The following EXD2 variants were observed in gnomAD, a reference collection of about 807,000 sequenced individuals.
The protein encoded by EXD2 is exonuclease 3'-5' domain containing 2.
In EXD2, 40 loss-of-function variants were observed where a neutral mutation model predicts 62.5. The ratio of observed to expected loss-of-function variants is 0.64; its 90% CI spans 0.50 to 0.83. The LOEUF (loss-of-function observed/expected upper bound fraction) is 0.83. Among genes scored for constraint, EXD2 ranks in the 40% least tolerant of loss-of-function variants. EXD2 has a pLI of 0.00. For missense variants in EXD2, 671 were observed against 761.8 expected, an observed-to-expected ratio of 0.88 and a Z score of 1.40; for synonymous variants, 239 against 291.9, an observed-to-expected ratio of 0.82 and a Z score of 1.85.
At chr14:69,223,699 G>T (rs1004434479) in intron 3 of EXD2, among the ~76,000 whole-genome samples, 1 of 152,048 alleles carries the variant, frequency 6.6e-6, no homozygotes. Context: ...ATACCTTTTT[G>T]ATCCCCTGAC....
At chr14:69,215,016 T>TA (rs1460864964) in intron 3 of EXD2, among the ~76,000 whole-genome samples, 4 of 152,250 alleles carry the variant, frequency 2.6e-5, no homozygotes, top group African/African-American at 9.6e-5. Flanking sequence ...GCGTGGTGGC[T>TA]AACACCTGTA....
chr14:69,243,371 G>A lies in EXD2; in HGVS notation c.*2271G>A, dbSNP rs2044030300. On this transcript the variant is annotated 3_prime_UTR_variant, in exon 10 of 10. Coordinates refer to ENST00000685843, the MANE Select transcript of EXD2 (RefSeq NM_001193360.2). ...AGCTAAACTTTGCTGATATGTTTATGAATTTCCTTTCAGTATTAAAAAGTG... is the reference window on the plus strand; with the variant it reads ...AGCTAAACTTTGCTGATATGTTTATAAATTTCCTTTCAGTATTAAAAAGTG... 6.6e-6 allele frequency: 1 copy of A among 152,154 alleles called. No individual in the cohort carries two copies. The highest frequency in any genetic ancestry group is 2.4e-5 in the African/African-American group (1 of 41,436). The allele number at this position is 152,154 out of a possible 1,614,324, so 9.4% of individuals were successfully genotyped here.
In EXD2 at chr14:69,241,046, C is replaced by T. The variant is rs529708443; in HGVS notation, c.1812C>T (p.Asn604=). The T allele has an allele frequency of 6.2e-7, 1 of 1,612,904 alleles. No homozygotes were observed. Among genetic ancestry groups the T allele is most frequent in the African/African-American group, 1.3e-5 (1 of 75,016 alleles). ...CCCAGCAGTGGTCAGTGGACCACAA[C>T]CATCAGAAGCTGCTCCGGAAATTCG... ...HLPQQWSVDH[N]HQKLLRKFGE... Residue 604 remains asparagine, a synonymous_variant, in exon 10 of 10, where the codon AAC becomes AAT. Transcript: ENST00000685843.
At chr14:69,230,396 T>G in intron 4 of EXD2, 76 bp from the exon 5 acceptor site, 3 of 948,260 alleles carry the variant, frequency 3.2e-6, no homozygotes, top group African/African-American at 1.6e-5. Flanking sequence ...TTATTGGCCA[T>G]TTATATGTCT....
At position 69,241,745 on chromosome 14, in the gene EXD2, A is replaced by G. The variant is rs942517138; in HGVS notation, c.*645A>G. 24 of 397,656 alleles carry G rather than the reference A, an allele frequency of 6.0e-5. No homozygotes were observed. The highest frequency in any genetic ancestry group is 4.4e-5 in the Admixed American group (1 of 22,672). The allele number at this position is 397,656 out of a possible 1,614,324, so 24.6% of individuals were successfully genotyped here. A position where few individuals can be genotyped will look rare whatever the true frequency, so the allele number is the denominator to read the frequency against. ...ACTTCCTGCCACACACTTCCACCCTATCACTGGGAGAAATCCTTTTCTGGA... is the reference window on the plus strand; with the variant it reads ...ACTTCCTGCCACACACTTCCACCCTGTCACTGGGAGAAATCCTTTTCTGGA... On this transcript the variant is annotated 3_prime_UTR_variant, in exon 10 of 10. Coordinates refer to ENST00000685843, the MANE Select transcript of EXD2 (RefSeq NM_001193360.2).
intron 1 of EXD2, among the ~76,000 whole-genome samples, chr14:69,203,588 G>C (rs1218073636): frequency 6.6e-6 from 1 of 152,186 alleles, no homozygotes; most frequent in African/African-American, 2.4e-5. Context: ...CAATTTGTAA[G>C]CAGGAAACTT....
intron 5 of EXD2, among the ~76,000 whole-genome samples, chr14:69,232,789 C>T (rs2140020893): frequency 6.6e-6 from 1 of 152,192 alleles, no homozygotes; most frequent in East Asian, 1.9e-4. Flanking sequence ...TTTGTATACT[C>T]TAGATCCTTT....
At chr14:69,204,189 G>A (rs2042505171) in intron 2 of EXD2, among the ~76,000 whole-genome samples, 189 bp downstream of exon 2, 1 of 152,208 alleles carries the variant, frequency 6.6e-6, no homozygotes. Flanking sequence ...AGTTTAAAAA[G>A]AGTGTATTTT....
intron 1 of EXD2, among the ~76,000 whole-genome samples, chr14:69,203,429 C>G (rs1029071447): frequency 6.6e-6 from 1 of 152,060 alleles, no homozygotes; most frequent in African/African-American, 2.4e-5. Flanking sequence ...CATTAACAAA[C>G]TTGGGTCTGT....
chr14:69,235,725 G>A (rs2043757951), intron 6 of EXD2: 1 of 365,946 alleles, frequency 2.7e-6, no homozygotes. Context: ...TTAATCCAGT[G>A]ATTTGGCAGT....
chr14:69,235,885 G>C, intron 6 of EXD2, 161 bp from the exon 7 acceptor site: 1 of 695,956 alleles, frequency 1.4e-6, no homozygotes, highest in Non-Finnish European at 2.6e-6. Flanking sequence ...GTGCAGGTGA[G>C]GATTAAACAT....
intron 9 of EXD2, chr14:69,239,084 T>A (rs889886173): frequency 6.6e-6 from 1 of 152,256 alleles, no homozygotes; most frequent in African/African-American, 2.4e-5. Context: ...CACTCCAGGG[T>A]ATCGGCTCAC....
chr14:69,233,606 A>AT (rs1189610287), intron 5 of EXD2, among the ~76,000 whole-genome samples: 9 of 151,078 alleles, frequency 6.0e-5, no homozygotes, highest in Non-Finnish European at 1.3e-4. Flanking sequence ...CGCCCAGCTG[A>AT]TTTTTTTTAT....
intron 2 of EXD2, among the ~76,000 whole-genome samples, chr14:69,204,733 C>T (rs1413516122): frequency 6.6e-6 from 1 of 152,174 alleles, no homozygotes; most frequent in Non-Finnish European, 1.5e-5. Context: ...CTCTTTATAA[C>T]ATCAAGGCTC....
chr14:69,212,005 A>T (rs1361252346), intron 3 of EXD2, among the ~76,000 whole-genome samples: 3 of 152,224 alleles, frequency 2.0e-5, no homozygotes, highest in Non-Finnish European at 4.4e-5. Context: ...TTGCTGTCAT[A>T]AAAAACTCAA....
At chr14:69,225,982 G>T (rs1371085545) in intron 3 of EXD2, among the ~76,000 whole-genome samples, 1 of 152,066 alleles carries the variant, frequency 6.6e-6, no homozygotes, top group Non-Finnish European at 1.5e-5. Flanking sequence ...TATTTATCTA[G>T]TTATTTATTT....
At chr14:69,235,711 T>C (rs2043757435) in intron 6 of EXD2, 1 of 335,828 alleles carries the variant, frequency 3.0e-6, no homozygotes, top group Non-Finnish European at 5.6e-6. Flanking sequence ...TTAATGTACT[T>C]TGTTTAATCC....
rs116156692 is a variant in EXD2 at position 69,239,679 on chromosome 14, T to G, written c.1650-1205T>G. Among the ~76,000 whole-genome samples the G allele has an allele frequency of 4.1e-3, 618 of 152,362 alleles. 6 individuals are homozygous for G. Among genetic ancestry groups the G allele is most frequent in the African/African-American group, 0.013 (540 of 41,586 alleles). On this transcript the variant is annotated intron_variant, in intron 9 of 9. Transcript: ENST00000685843. ...AGGGTTTTAAAAGAATTATAGAATTTTATCCCCATAACTATTTTGTGAGGT... is the reference window on the plus strand; with the variant it reads ...AGGGTTTTAAAAGAATTATAGAATTGTATCCCCATAACTATTTTGTGAGGT...
chr14:69,237,993 TG>T, intron 9 of EXD2, 62 bp downstream of exon 9: 1 of 1,443,828 alleles, frequency 6.9e-7, no homozygotes, highest in Non-Finnish European at 9.4e-7. Context: ...TTAGTGAGAA[TG>T]CTTGCCAGGG....
Sources: allele counts gnomAD v4.1 joint callset (sites outside exome capture counted in the v4.1 genomes callset), GRCh38; gene constraint gnomAD v4.1.1; transcripts MANE v1.5; gene names NCBI Gene and HGNC (gene_info 2026-07-23, HGNC 2026-07-21).